Variants in PPP2R3A observed in about 807,000 individuals in gnomAD.
PPP2R3A encodes protein phosphatase 2 regulatory subunit B''alpha.
A neutral mutation model predicts 106.9 loss-of-function variants in PPP2R3A; 80 were observed. The ratio of observed to expected loss-of-function variants is 0.75; its 90% CI spans 0.62 to 0.90. The LOEUF is 0.90. PPP2R3A is among the 40% of genes least tolerant of loss of function. The pLI is 0.00. For synonymous variants in PPP2R3A, 483 were observed against 468.3 expected, an observed-to-expected ratio of 1.03 and a Z score of -0.41; for missense variants, 1,386 against 1,350.4, an observed-to-expected ratio of 1.03 and a Z score of -0.41.
intron 10 of PPP2R3A, among the ~76,000 whole-genome samples, chr3:136,096,853 G>C (rs957776982): frequency 3.9e-5 from 6 of 152,174 alleles, no homozygotes; most frequent in Admixed American, 3.9e-4. Context: ...TACTTGGGAG[G>C]CTGAGGCACA....
intron 10 of PPP2R3A, among the ~76,000 whole-genome samples, chr3:136,094,864 C>G (rs1231700871): frequency 6.6e-6 from 1 of 152,124 alleles, no homozygotes; most frequent in African/African-American, 2.4e-5. Context: ...GGAATAATTC[C>G]CAACTCATTT....
chr3:136,110,088 C>T (rs1937571435), intron 13 of PPP2R3A, among the ~76,000 whole-genome samples: 1 of 152,082 alleles, frequency 6.6e-6, no homozygotes, highest in Admixed American at 6.6e-5. Flanking sequence ...ATATCACATC[C>T]CATCTCATTC....
chr3:136,099,275 A>C (rs1483035329), intron 10 of PPP2R3A, among the ~76,000 whole-genome samples: 1 of 152,104 alleles, frequency 6.6e-6, no homozygotes, highest in East Asian at 1.9e-4. Context: ...TTTAGCACCT[A>C]CTCTCAAATA....
At position 136,002,998 on chromosome 3, in the gene PPP2R3A, T is replaced by C. The variant is rs1216950804; in HGVS notation, c.1500T>C (p.Phe500=). 6.2e-7 allele frequency: 1 copy of C among 1,613,760 alleles called. No individual in the cohort carries two copies. Among genetic ancestry groups the C allele is most frequent in the Non-Finnish European group, 8.5e-7 (1 of 1,179,860 alleles). The stretch of plus-strand genomic sequence containing the variant: ...TTGAAGAGGGAGACCAGAGAGATTT[T>C]ACAAATTCCAGTAGCCAGGAAGAGA... ...SKFEEGDQRD[F]TNSSSQEEID... is the part of the protein sequence containing the mutation. The change falls in exon 2 of 14, where the codon TTT becomes TTC. Residue 500 remains phenylalanine, a synonymous_variant. Transcript: ENST00000264977.
Position 136,002,897 on chromosome 3 carries a change from A to G in PPP2R3A, c.1399A>G (p.Asn467Asp), listed in dbSNP as rs537703209. The change falls in exon 2 of 14, where the codon AAT becomes GAT. Residue 467 changes from asparagine to aspartate, a missense_variant. Transcript: ENST00000264977. ...TAAAAAATGCCCCACCCCAATGCAA[A>G]ATGAAATTGGTAAGATATTTGAGAA... is the stretch of plus-strand genomic sequence containing the variant. ...HLKKCPTPMQ[N>D]EIGKIFEKSF... 101 of 1,612,452 alleles carry G rather than the reference A, an allele frequency of 6.3e-5. No individual in the cohort carries two copies. The highest frequency in any genetic ancestry group is 1.6e-4 in the Middle Eastern group (1 of 6,068).
intron 9 of PPP2R3A, 117 bp downstream of exon 9, chr3:136,088,048 A>C: frequency 1.3e-6 from 1 of 775,248 alleles, no homozygotes; most frequent in East Asian, 2.6e-5. Context: ...ATAATATCCT[A>C]TAAAACATAG....
chr3:136,048,993 C>T (rs1198506265), intron 4 of PPP2R3A, among the ~76,000 whole-genome samples: 2 of 151,988 alleles, frequency 1.3e-5, no homozygotes, highest in African/African-American at 4.8e-5. Flanking sequence ...ACAGCTGTTC[C>T]TTCCTGTTTC....
intron 13 of PPP2R3A, among the ~76,000 whole-genome samples, chr3:136,116,091 T>G (rs561885757): frequency 1.4e-4 from 21 of 152,266 alleles, no homozygotes; most frequent in Non-Finnish European, 1.3e-4. Context: ...GGGACTGATA[T>G]TCAACATTCT....
chr3:136,035,341 T>C (rs904914048), intron 3 of PPP2R3A, among the ~76,000 whole-genome samples: 1 of 152,260 alleles, frequency 6.6e-6, no homozygotes, highest in Non-Finnish European at 1.5e-5. Context: ...ATTTATGCTT[T>C]AAAGAGGTTC....
chr3:135,987,954 T>G (rs946341788), intron 1 of PPP2R3A, among the ~76,000 whole-genome samples: 11 of 152,182 alleles, frequency 7.2e-5, no homozygotes, highest in African/African-American at 2.4e-4. Context: ...CCTTTTTACT[T>G]CTGTATTCCA....
intron 13 of PPP2R3A, among the ~76,000 whole-genome samples, chr3:136,110,260 G>A (rs958450243): frequency 3.9e-5 from 6 of 152,052 alleles, no homozygotes; most frequent in Non-Finnish European, 8.8e-5. Flanking sequence ...TCAACAAATG[G>A]AAGAACTTAT....
At chr3:136,012,741 G>T (rs1337706795) in intron 2 of PPP2R3A, among the ~76,000 whole-genome samples, 9 of 152,022 alleles carry the variant, frequency 5.9e-5, no homozygotes, top group Admixed American at 2.0e-4. Context: ...TATTTACAGG[G>T]ATATTTTAAA....
chr3:136,032,355 G>T (rs1255576547), intron 3 of PPP2R3A, among the ~76,000 whole-genome samples: 1 of 152,076 alleles, frequency 6.6e-6, no homozygotes, highest in African/African-American at 2.4e-5. Flanking sequence ...GTATAGAAGA[G>T]CTACTGATTC....
intron 1 of PPP2R3A, among the ~76,000 whole-genome samples, chr3:135,977,527 G>C (rs914699043): frequency 6.6e-6 from 1 of 152,050 alleles, no homozygotes. Context: ...AGTTGCATTT[G>C]TGGTTTTATT....
At chr3:136,008,572 T>C (rs1050043559) in intron 2 of PPP2R3A, among the ~76,000 whole-genome samples, 5 of 152,228 alleles carry the variant, frequency 3.3e-5, no homozygotes, top group African/African-American at 9.6e-5. Flanking sequence ...CTGGTAGATA[T>C]ATATGTACTG....
intron 7 of PPP2R3A, 33 bp downstream of exon 7, chr3:136,078,486 G>T: frequency 1.5e-6 from 2 of 1,303,762 alleles, no homozygotes; most frequent in Non-Finnish European, 2.2e-6. Context: ...TGTGTAATGA[G>T]CAATTTAGAT....
chr3:136,067,006 A>G (rs1404519524), intron 5 of PPP2R3A, among the ~76,000 whole-genome samples: 1 of 152,230 alleles, frequency 6.6e-6, no homozygotes, highest in African/African-American at 2.4e-5. Context: ...GGAAAACACT[A>G]GAGGCACTTC....
At chr3:136,038,936 T>G (rs930288838) in intron 3 of PPP2R3A, among the ~76,000 whole-genome samples, 2 of 152,236 alleles carry the variant, frequency 1.3e-5, no homozygotes, top group African/African-American at 4.8e-5. Context: ...ACCTCTGGAC[T>G]TAAAAAATCT....
intron 10 of PPP2R3A, among the ~76,000 whole-genome samples, chr3:136,092,398 G>A (rs1050646226): frequency 1.3e-5 from 2 of 152,148 alleles, no homozygotes; most frequent in African/African-American, 4.8e-5. Context: ...TCATTGTTAA[G>A]ATGGCAGTAA....
Sources: gnomAD v4.1 joint callset for allele counts (sites outside exome capture counted in the v4.1 genomes callset) on GRCh38, gnomAD v4.1.1 for gene constraint, MANE v1.5 for transcripts, NCBI Gene and HGNC (gene_info 2026-07-23, HGNC 2026-07-21) for gene names.